Variants in CYTIP observed in about 807,000 individuals in gnomAD.
The protein encoded by CYTIP is cytohesin 1 interacting protein, also known as cytohesin-interacting protein.
CYTIP carries 26 observed loss-of-function variants against 43.8 expected under a neutral mutation model. That is an observed-to-expected ratio of 0.59 (90% CI 0.44 to 0.82). CYTIP has a LOEUF of 0.82. CYTIP is among the 40% of genes least tolerant of loss of function. CYTIP has a pLI of 0.00. For missense variants in CYTIP, 426 were observed against 443.1 expected, an observed-to-expected ratio of 0.96 and a Z score of 0.35; for synonymous variants, 162 against 162.9, an observed-to-expected ratio of 0.99 and a Z score of 0.04.
chr2:157,442,788 C>A (rs1416503161), intron 1 of CYTIP, among the ~76,000 whole-genome samples: 3 of 152,172 alleles, frequency 2.0e-5, no homozygotes, highest in Admixed American at 6.5e-5. Flanking sequence ...GATCATGTCT[C>A]TCCCACTATG....
chr2:157,434,204 T>C (rs1256122081), intron 3 of CYTIP, 166 bp downstream of exon 3: 2 of 666,028 alleles, frequency 3.0e-6, no homozygotes, highest in Admixed American at 5.6e-5. Context: ...CTTTCCTTAA[T>C]AGTACTCAAC....
intron 1 of CYTIP, among the ~76,000 whole-genome samples, chr2:157,437,529 C>T (rs1279524646): frequency 6.6e-6 from 1 of 151,628 alleles, no homozygotes; most frequent in African/African-American, 2.4e-5. Flanking sequence ...GGTAAAACCC[C>T]GTCTCTACAA....
intron 4 of CYTIP, 55 bp downstream of exon 4, chr2:157,430,805 A>ATTTTATT (rs1685700259): frequency 6.5e-7 from 1 of 1,533,170 alleles, no homozygotes; most frequent in East Asian, 2.3e-5. Context: ...CTCTCAAAAC[A>ATTTTATT]TTTTATTTTC....
rs200823949 is a variant in CYTIP at position 157,427,431 on chromosome 2, G to GA, written c.477-12dup. On this transcript the variant is annotated splice_polypyrimidine_tract_variant and intron_variant, in intron 5 of 7. Transcript: ENST00000264192. ...TTAAGAGTCTCTATCCTGTTTTAAG[G>GA]AAAAAAAAAAGAAGAGGAAGGTGGG... 9.1e-3 allele frequency: 11,973 copies of GA among 1,316,552 alleles called. 1 individual carries two copies. The highest frequency in any genetic ancestry group is 0.011 in the South Asian group (697 of 65,972). The allele number at this position is 1,316,552 out of a possible 1,614,324, so 81.6% of individuals were successfully genotyped here. A position where few individuals can be genotyped will look rare whatever the true frequency, so the allele number is the denominator to read the frequency against.
rs760115688 is a variant in CYTIP at position 157,430,870 on chromosome 2, G to T, written c.372C>A (p.Gly124=). Residue 124 remains glycine, a synonymous_variant, in exon 4 of 8, where the codon GGC becomes GGA. Coordinates refer to ENST00000264192, the MANE Select transcript of CYTIP (RefSeq NM_004288.5). ...IQEDSPAHCA[G]LQAGDVLANI... ...AAAAATTTAAGTTACCAGCTTGCAG[G>T]CCAGCACAGTGAGCTGGGCTGTCCT... 2 of 1,608,534 alleles carry T rather than the reference G, an allele frequency of 1.2e-6. No homozygotes were observed. Among genetic ancestry groups the T allele is most frequent in the South Asian group, 1.1e-5 (1 of 89,828 alleles).
chr2:157,417,910 T>C (rs1685461693), intron 7 of CYTIP, among the ~76,000 whole-genome samples: 1 of 152,234 alleles, frequency 6.6e-6, no homozygotes, highest in Admixed American at 6.5e-5. Context: ...TACACAAAAG[T>C]TCATTCCTTT....
At chr2:157,425,926 C>T (rs1342983048) in intron 6 of CYTIP, among the ~76,000 whole-genome samples, 1 of 151,616 alleles carries the variant, frequency 6.6e-6, no homozygotes, top group Non-Finnish European at 1.5e-5. Context: ...CTAGCCAATG[C>T]TATAGGAGAG....
At chr2:157,428,896 T>C (rs911462765) in intron 5 of CYTIP, among the ~76,000 whole-genome samples, 27 of 152,212 alleles carry the variant, frequency 1.8e-4, no homozygotes, top group Non-Finnish European at 4.4e-5. Flanking sequence ...TCCAGCAGAT[T>C]TTCTACTGGC....
Position 157,416,031 on chromosome 2 carries a change from A to C in CYTIP, c.726T>G (p.Ser242Arg). 6.2e-7 allele frequency: 1 copy of C among 1,614,182 alleles called. No individual in the cohort carries two copies. Among genetic ancestry groups the C allele is most frequent in the South Asian group, 1.1e-5 (1 of 91,084 alleles). Reference sequence around the variant, plus strand: ...TCAGCCAGCTCTTACAGCTGCTCTCACTGGATAATCGATTCCGGTCCACAA... The same window carrying C: ...TCAGCCAGCTCTTACAGCTGCTCTCCCTGGATAATCGATTCCGGTCCACAA... ...PALVDRNRLSSESSCKSWLSS... is the reference protein window; with the variant it reads ...PALVDRNRLSRESSCKSWLSS... The change falls in exon 8 of 8, where the codon AGT becomes AGG. Residue 242 changes from serine (S) to arginine (R), a missense_variant. By Grantham distance (110) the Ser-to-Arg change is moderately radical. Transcript: ENST00000264192.
Position 157,416,004 on chromosome 2 carries a change from G to A in CYTIP, c.753C>T (p.Ser251=). 6.2e-7 allele frequency: 1 copy of A among 1,614,226 alleles called. No homozygotes were observed. The highest frequency in any genetic ancestry group is 8.5e-7 in the Non-Finnish European group (1 of 1,180,048). Residue 251 remains serine, a synonymous_variant, in exon 8 of 8, where the codon AGC becomes AGT. Coordinates refer to ENST00000264192, the MANE Select transcript of CYTIP (RefSeq NM_004288.5). ...SSESSCKSWL[S]SMTMDSEDGY... is the part of the protein sequence containing the mutation. Reference sequence around the variant, plus strand: ...CATCTTCACTGTCCATCGTCATGGAGCTCAGCCAGCTCTTACAGCTGCTCT... The same window carrying A: ...CATCTTCACTGTCCATCGTCATGGAACTCAGCCAGCTCTTACAGCTGCTCT...
intron 1 of CYTIP, among the ~76,000 whole-genome samples, chr2:157,435,791 G>T (rs11679772): frequency 0.034 from 5,168 of 152,206 alleles, 151 homozygotes; most frequent in African/African-American, 0.078. Context: ...TCAATGCATA[G>T]TCAGTCCAGA....
Position 157,415,233 on chromosome 2 carries a change from T to A in CYTIP, c.*444A>T, listed in dbSNP as rs1440599366. 6.3e-6 allele frequency: 1 copy of A among 158,330 alleles called. No homozygotes were observed. Among genetic ancestry groups the A allele is most frequent in the Non-Finnish European group, 1.4e-5 (1 of 71,508 alleles). 9.8% of individuals were successfully genotyped at this position (158,330 alleles called of 1,614,324 possible). A position where few individuals can be genotyped will look rare whatever the true frequency, so the allele number is the denominator to read the frequency against. Reference sequence around the variant, plus strand: ...ATTCAAAATTGCCTATTATTAAGCCTCCGCAGGAGCTACTGGGCATAAGCA... The same window carrying A: ...ATTCAAAATTGCCTATTATTAAGCCACCGCAGGAGCTACTGGGCATAAGCA... On this transcript the variant is annotated 3_prime_UTR_variant, in exon 8 of 8. Transcript: ENST00000264192.
At position 157,415,739 on chromosome 2, in the gene CYTIP, G is replaced by C; in HGVS notation, c.1018C>G (p.Gln340Glu). 1 of 1,614,122 alleles carries C rather than the reference G, an allele frequency of 6.2e-7. No homozygotes were observed. Among genetic ancestry groups the C allele is most frequent in the South Asian group, 1.1e-5 (1 of 91,084 alleles). The change falls in exon 8 of 8, where the codon CAA (glutamine) becomes GAA (glutamate). Residue 340 changes from glutamine (Q) to glutamate (E), a missense_variant. Physicochemically the swap from Gln to Glu is conservative, Grantham distance 29 (BLOSUM62 2). Transcript: ENST00000264192. ...RKSRKGSVRK[Q>E]LLKFIPGLHR... ...AGGCCAGGGATAAATTTCAAGAGTT[G>C]CTTTCGGACACTTCCCTTTCTGCTC...
chr2:157,443,265 G>C (rs1167170178), intron 1 of CYTIP, among the ~76,000 whole-genome samples: 1 of 151,976 alleles, frequency 6.6e-6, no homozygotes, highest in Non-Finnish European at 1.5e-5. Context: ...GAAGCTTAGA[G>C]AGGCAAGTGG....
chr2:157,440,369 T>A (rs1558942500), intron 1 of CYTIP, among the ~76,000 whole-genome samples: 1 of 152,222 alleles, frequency 6.6e-6, no homozygotes, highest in Non-Finnish European at 1.5e-5. Flanking sequence ...TAAGGTCTGA[T>A]GGTGGGCTCA....
In CYTIP at chr2:157,443,832, A is replaced by G. The variant is rs750480912; in HGVS notation, c.174+15T>C. The G allele has an allele frequency of 6.8e-6, 11 of 1,613,468 alleles. No individual in the cohort carries two copies. The highest frequency in any genetic ancestry group is 8.5e-6 in the Non-Finnish European group (10 of 1,179,664). ...GAATGTGAACACTCTAAAGGGTACA[A>G]AATAGCAATCATACCTGCTTTCGTC... On this transcript the variant is annotated intron_variant, in intron 1 of 7. Transcript: ENST00000264192.
intron 3 of CYTIP, among the ~76,000 whole-genome samples, chr2:157,431,768 T>A (rs1168227397): frequency 6.6e-6 from 1 of 152,224 alleles, no homozygotes; most frequent in Non-Finnish European, 1.5e-5. Flanking sequence ...GTAGAGTACG[T>A]CTTTTAAACA....
At chr2:157,427,240 A>C (rs1685626646) in intron 6 of CYTIP, 111 bp downstream of exon 6, 3 of 848,188 alleles carry the variant, frequency 3.5e-6, no homozygotes, top group Non-Finnish European at 5.4e-6. Flanking sequence ...GTTTAGATTC[A>C]CCACGACATT....
chr2:157,430,537 C>A (rs112966992), intron 5 of CYTIP, 22 bp downstream of exon 5: 1 of 1,602,382 alleles, frequency 6.2e-7, no homozygotes, highest in South Asian at 1.1e-5. Context: ...TGAAGCCCCA[C>A]GGGAACTAGA....
Sources: gnomAD v4.1 joint callset for allele counts (sites outside exome capture counted in the v4.1 genomes callset) on GRCh38, gnomAD v4.1.1 for gene constraint, MANE v1.5 for transcripts, NCBI Gene and HGNC (gene_info 2026-07-23, HGNC 2026-07-21) for gene names.